The following PBX4 variants were observed in gnomAD, a reference collection of about 807,000 sequenced individuals.
PBX4 encodes the protein pre-B-cell leukemia transcription factor 4.
A neutral mutation model predicts 35.1 loss-of-function variants in PBX4; 26 were observed. The ratio of observed to expected loss-of-function variants is 0.74; its 90% CI spans 0.54 to 1.03. The LOEUF (loss-of-function observed/expected upper bound fraction) is 1.03, where lower values mean the gene tolerates loss of function less well. PBX4 is among the 50% of genes least tolerant of loss of function. The pLI is 0.00. For synonymous variants in PBX4, 199 were observed against 204.2 expected (o/e 0.97, Z 0.22); for missense variants, 448 against 504.3 (o/e 0.89, Z 1.07).
rs560351534 is a variant in PBX4 at position 19,562,323 on chromosome 19, C to T, written c.1033-206G>A. 1.3e-5 allele frequency among the ~76,000 whole-genome samples: 2 copies of T among 152,292 alleles called. No individual in the cohort carries two copies. The highest frequency in any genetic ancestry group is 2.9e-5 in the Non-Finnish European group (2 of 68,014). On this transcript the variant is annotated intron_variant, in intron 7 of 7. Transcript: ENST00000251203. This position sits in a 1 kb window ranked among gnomAD's most constrained non-coding sequence, Gnocchi z 4.8. Reference sequence around the variant, plus strand: ...CTTGCCACCTGACATGGGACATGGACGAGCTTCCCCGGCAGGAAAACTGGC... The same window carrying T: ...CTTGCCACCTGACATGGGACATGGATGAGCTTCCCCGGCAGGAAAACTGGC...
intron 1 of PBX4, among the ~76,000 whole-genome samples, chr19:19,600,598 C>T (rs1464032408): frequency 6.6e-6 from 1 of 151,488 alleles, no homozygotes; most frequent in Non-Finnish European, 1.5e-5. Context: ...GCGGATGGAT[C>T]GCCTGAGGTC....
rs778805645 is a variant in PBX4, at chr19:19,569,511, G to T, written c.706C>A (p.Pro236Thr). The T allele has an allele frequency of 8.7e-6, 14 of 1,613,792 alleles. No homozygotes were observed. The African/African-American group carries it at 1.6e-4, about 18-fold the overall frequency. The change falls in exon 5 of 8, where the codon CCT becomes ACT. Residue 236 changes from proline (P) to threonine (T), a missense_variant. Coordinates refer to ENST00000251203, the MANE Select transcript of PBX4 (RefSeq NM_025245.3). ...TCTTTGGCTTCTTCGCTGGGGTAAG[G>T]GTTGTTCAGATGGGAGTAAAAATAC... ...NEYFYSHLNN[P>T]YPSEEAKEEL... is the part of the protein sequence containing the mutation.
intron 2 of PBX4, among the ~76,000 whole-genome samples, chr19:19,577,205 A>C (rs1487769595): frequency 3.3e-5 from 5 of 152,064 alleles, no homozygotes; most frequent in African/African-American, 9.7e-5. Flanking sequence ...AAAAAAAAAA[A>C]AAAAAAACTC....
At chr19:19,618,398 T>C in intron 1 of PBX4, 113 bp downstream of exon 1, 2 of 1,020,274 alleles carry the variant, frequency 2.0e-6, no homozygotes, top group Non-Finnish European at 2.6e-6. Flanking sequence ...GGGACCCCCC[T>C]CCAGCCCTCC....
chr19:19,573,328 T>TAC (rs1387587008), intron 2 of PBX4, among the ~76,000 whole-genome samples: 2,063 of 92,098 alleles, frequency 0.022, 48 homozygotes, highest in East Asian at 0.12. Flanking sequence ...AAAAAAAAAA[T>TAC]ATACACACAC....
rs770077805 is a variant in PBX4 at position 19,618,499 on chromosome 19, C to T, written c.119+12G>A. The T allele has an allele frequency of 4.1e-6, 6 of 1,470,904 alleles. No individual in the cohort carries two copies. The highest frequency in any genetic ancestry group is 2.8e-5 in the East Asian group (1 of 35,916). The allele number at this position is 1,470,904 out of a possible 1,614,324, so 91.1% of individuals were successfully genotyped here. The stretch of plus-strand genomic sequence containing the variant: ...GACCCTGCGTGGCCCCTGCCGAGCC[C>T]GCGGGCAGCACCTGGCCTGTGCCTC... On this transcript the variant is annotated intron_variant, in intron 1 of 7. Coordinates refer to ENST00000251203, the MANE Select transcript of PBX4 (RefSeq NM_025245.3).
intron 1 of PBX4, among the ~76,000 whole-genome samples, chr19:19,605,327 A>C (rs1470350205): frequency 6.7e-6 from 1 of 150,268 alleles, no homozygotes; most frequent in Non-Finnish European, 1.5e-5. Context: ...GAGGCAGGAG[A>C]ATCACTTGAG....
intron 2 of PBX4, among the ~76,000 whole-genome samples, chr19:19,598,458 T>C (rs1422045551): frequency 2.0e-5 from 3 of 151,806 alleles, no homozygotes; most frequent in Non-Finnish European, 4.4e-5. Context: ...CCACCATGCC[T>C]GGCTAATTTT....
intron 5 of PBX4, among the ~76,000 whole-genome samples, chr19:19,566,242 G>A (rs1275099311): frequency 6.6e-6 from 1 of 152,186 alleles, no homozygotes; most frequent in Non-Finnish European, 1.5e-5. Flanking sequence ...GCTGATGCTT[G>A]GGCTCCATCT....
At chr19:19,569,824 C>T (rs556253211) in intron 4 of PBX4, among the ~76,000 whole-genome samples, 24 of 152,302 alleles carry the variant, frequency 1.6e-4, no homozygotes, top group Admixed American at 1.4e-3. Flanking sequence ...GCAGTAGAAT[C>T]GCTTGAACCT....
chr19:19,611,858 T>A (rs78780884), intron 1 of PBX4, among the ~76,000 whole-genome samples: 2,240 of 151,726 alleles, frequency 0.015, 75 homozygotes, highest in Admixed American at 0.071. Context: ...GCATTTAGAA[T>A]GGGTGGGATG....
intron 1 of PBX4, among the ~76,000 whole-genome samples, chr19:19,615,575 A>G (rs1193256047): frequency 6.6e-6 from 1 of 152,136 alleles, no homozygotes; most frequent in African/African-American, 2.4e-5. Context: ...TCCGATAAAT[A>G]TCGGCCAAAT....
Position 19,618,497 on chromosome 19 carries a change from C to G in PBX4, c.119+14G>C. 2 of 1,469,464 alleles carry G rather than the reference C, an allele frequency of 1.4e-6. No homozygotes were observed. Among genetic ancestry groups the G allele is most frequent in the Non-Finnish European group, 1.8e-6 (2 of 1,105,680 alleles). The allele number at this position is 1,469,464 out of a possible 1,614,324, so 91.0% of individuals were successfully genotyped here. ...ACGACCCTGCGTGGCCCCTGCCGAG[C>G]CCGCGGGCAGCACCTGGCCTGTGCC... On this transcript the variant is annotated intron_variant, in intron 1 of 7. Transcript: ENST00000251203.
intron 2 of PBX4, among the ~76,000 whole-genome samples, chr19:19,579,651 T>C (rs573984987): frequency 1.3e-5 from 2 of 152,172 alleles, no homozygotes; most frequent in Non-Finnish European, 2.9e-5. Flanking sequence ...TTAAATCAGA[T>C]GCCCTGACTG....
At chr19:19,604,632 G>A (rs544244606) in intron 1 of PBX4, among the ~76,000 whole-genome samples, 7 of 151,102 alleles carry the variant, frequency 4.6e-5, no homozygotes, top group South Asian at 2.1e-4. Context: ...ATGGAGTCTC[G>A]CTCTGTCACC....
At chr19:19,598,402 A>C (rs900408382) in intron 2 of PBX4, among the ~76,000 whole-genome samples, 2 of 144,968 alleles carry the variant, frequency 1.4e-5, no homozygotes, top group African/African-American at 5.2e-5. Context: ...GGTTCAAGTG[A>C]TTCTCCTGCC....
intron 5 of PBX4, among the ~76,000 whole-genome samples, chr19:19,566,010 G>T (rs190090272): frequency 2.6e-5 from 4 of 151,512 alleles, no homozygotes; most frequent in South Asian, 2.1e-4. Flanking sequence ...AGTTCCTCCC[G>T]CCCTGGCCTC....
intron 1 of PBX4, among the ~76,000 whole-genome samples, chr19:19,612,175 G>A (rs753680873): frequency 1.3e-5 from 2 of 152,104 alleles, no homozygotes; most frequent in Non-Finnish European, 2.9e-5. Flanking sequence ...AACTACTCGG[G>A]AGGCTGAGGC....
intron 1 of PBX4, among the ~76,000 whole-genome samples, chr19:19,615,886 T>TCACACA (rs377323785): frequency 6.7e-6 from 1 of 150,204 alleles, no homozygotes; most frequent in Non-Finnish European, 1.5e-5. Context: ...TGAGAGTCCG[T>TCACACA]CACACACACA....
Sources: gnomAD v4.1 joint callset for allele counts (sites outside exome capture counted in the v4.1 genomes callset) on GRCh38, gnomAD v4.1.1 for gene constraint, Gnocchi (gnomAD v3.1) non-coding constraint, MANE v1.5 for transcripts, NCBI Gene and HGNC (gene_info 2026-07-23, HGNC 2026-07-21) for gene names.